PARD3B: variants seen among roughly 807,000 people sequenced by gnomAD.
The protein encoded by PARD3B is par-3 family cell polarity regulator beta, also known as partitioning defective 3 homolog B.
A neutral mutation model predicts 130.2 loss-of-function variants in PARD3B; 103 were observed. The ratio of observed to expected loss-of-function variants is 0.79; its 90% confidence interval spans 0.67 to 0.93. PARD3B has a LOEUF of 0.93. Ranked by LOEUF, PARD3B falls within the 40% of genes least tolerant of loss-of-function variation. PARD3B has a pLI of 0.00. For synonymous variants in PARD3B, 583 were observed against 553.2 expected (o/e 1.05, Z -0.76); for missense variants, 1,609 against 1,499.2 (o/e 1.07, Z -1.21).
chr2:204,632,876 G>A (rs532104874), intron 1 of PARD3B, among the ~76,000 whole-genome samples: 113 of 152,316 alleles, frequency 7.4e-4, no homozygotes, highest in African/African-American at 2.5e-3. Flanking sequence ...GGATATTTCA[G>A]TATTCACTCG....
rs1013116773 is a variant in PARD3B, at chr2:205,269,586, C to T, written c.2185+23764C>T. On this transcript the variant is annotated intron_variant, in intron 16 of 22. Coordinates refer to ENST00000406610, the MANE Select transcript of PARD3B (RefSeq NM_001302769.2). The surrounding 1 kb of genome is among the most constrained non-coding windows in gnomAD (Gnocchi z 4.7). The stretch of plus-strand genomic sequence containing the variant: ...CTGCTGGGCTGCTGATTCTCAATAA[C>T]CACACTTACACCTGACAAACAAAAA... Among the ~76,000 whole-genome samples, 6 of 152,024 alleles carry T rather than the reference C, an allele frequency of 3.9e-5. No homozygotes were observed. Among genetic ancestry groups the T allele is most frequent in the African/African-American group, 1.5e-4 (6 of 41,376 alleles).
chr2:205,450,466 CTTTTT>C (rs869229400), intron 20 of PARD3B, among the ~76,000 whole-genome samples: 1 of 78,378 alleles, frequency 1.3e-5, no homozygotes, highest in African/African-American at 5.5e-5. Flanking sequence ...AGTGCAGATT[CTTTTT>C]TTTTTTTTTT....
chr2:204,891,779 G>C (rs2046456122), intron 2 of PARD3B, among the ~76,000 whole-genome samples: 1 of 152,074 alleles, frequency 6.6e-6, no homozygotes, highest in Non-Finnish European at 1.5e-5. Flanking sequence ...TTCTGAATTT[G>C]CCTATCCTTT....
At chr2:205,508,551 A>G (rs1370647709) in intron 21 of PARD3B, among the ~76,000 whole-genome samples, 9 of 147,962 alleles carry the variant, frequency 6.1e-5, no homozygotes, top group Non-Finnish European at 1.3e-4. Flanking sequence ...CAGCTCGGGC[A>G]ACAGAGCAAG....
At chr2:204,877,482 A>G (rs949172354) in intron 2 of PARD3B, among the ~76,000 whole-genome samples, 5 of 152,200 alleles carry the variant, frequency 3.3e-5, no homozygotes, top group African/African-American at 9.6e-5. Flanking sequence ...TATGTGAGTT[A>G]TGTGTGCCTG....
At chr2:204,703,526 G>T (rs916229190) in intron 2 of PARD3B, among the ~76,000 whole-genome samples, 6 of 152,166 alleles carry the variant, frequency 3.9e-5, no homozygotes. Flanking sequence ...TTTAATTTCT[G>T]TAGAGTTGCC....
intron 2 of PARD3B, among the ~76,000 whole-genome samples, chr2:204,920,929 CA>C (rs1460156804): frequency 1.3e-5 from 2 of 152,142 alleles, no homozygotes; most frequent in Non-Finnish European, 1.5e-5. Context: ...TGATACAAGC[CA>C]TGCATAATAT....
chr2:204,701,986 C>T (rs570073787), intron 2 of PARD3B, among the ~76,000 whole-genome samples: 2 of 152,230 alleles, frequency 1.3e-5, no homozygotes, highest in African/African-American at 4.8e-5. Context: ...CAAGTGAAAA[C>T]ATGCCATATT....
At chr2:205,319,348 G>A (rs2042669901) in intron 18 of PARD3B, among the ~76,000 whole-genome samples, 2 of 152,172 alleles carry the variant, frequency 1.3e-5, no homozygotes, top group Admixed American at 1.3e-4. Context: ...TAGAGCACTG[G>A]CATAGTAGAG....
At chr2:204,972,312 A>G (rs1040721809) in intron 3 of PARD3B, among the ~76,000 whole-genome samples, 7 of 152,162 alleles carry the variant, frequency 4.6e-5, no homozygotes, top group African/African-American at 1.7e-4. Context: ...GCTTGAGAAC[A>G]TGCTATAGTT....
intron 18 of PARD3B, among the ~76,000 whole-genome samples, chr2:205,382,749 A>T (rs1442910996): frequency 6.6e-6 from 1 of 151,994 alleles, no homozygotes; most frequent in African/African-American, 2.4e-5. Context: ...TATGAGATTC[A>T]TGGATATTTA....
At chr2:204,593,620 T>G (rs1292170128) in intron 1 of PARD3B, among the ~76,000 whole-genome samples, 12 of 152,326 alleles carry the variant, frequency 7.9e-5, no homozygotes, top group South Asian at 4.1e-4. Flanking sequence ...TTATGAATAC[T>G]TTTATTTGGC....
chr2:205,144,241 T>TC (rs2033185187), intron 10 of PARD3B, among the ~76,000 whole-genome samples: 1 of 152,152 alleles, frequency 6.6e-6, no homozygotes, highest in African/African-American at 2.4e-5. Context: ...AGATGGGAGA[T>TC]ATGTGGAGCA....
At chr2:204,770,717 C>T (rs1266596438) in intron 2 of PARD3B, among the ~76,000 whole-genome samples, 1 of 152,018 alleles carries the variant, frequency 6.6e-6, no homozygotes, top group Non-Finnish European at 1.5e-5. Flanking sequence ...ATCCACTACT[C>T]ATACCTACTG....
At chr2:205,283,240 C>G (rs1239650850) in intron 16 of PARD3B, among the ~76,000 whole-genome samples, 1 of 152,170 alleles carries the variant, frequency 6.6e-6, no homozygotes, top group Non-Finnish European at 1.5e-5. Flanking sequence ...TACACTATTC[C>G]TATGGCTAGA....
At position 205,014,971 on chromosome 2, in the gene PARD3B, C is replaced by G. The variant is rs112562534; in HGVS notation, c.395-32610C>G. On this transcript the variant is annotated intron_variant, in intron 3 of 22. Coordinates refer to ENST00000406610, the MANE Select transcript of PARD3B (RefSeq NM_001302769.2). ...TTATGTATATTTCTTATTTTAGCAC[C>G]TCACATTATGCAGTTGACTGTCGAA... Among the ~76,000 whole-genome samples, 153 of 152,268 alleles carry G rather than the reference C, an allele frequency of 1.0e-3. No homozygotes were observed. The Middle Eastern group carries it at 0.017, about 17-fold the overall frequency.
chr2:204,566,134 A>G (rs1432534535), intron 1 of PARD3B, among the ~76,000 whole-genome samples: 1 of 152,244 alleles, frequency 6.6e-6, no homozygotes, highest in Non-Finnish European at 1.5e-5. Flanking sequence ...ATAAACCATG[A>G]GATTCCAAAA....
At chr2:205,010,051 T>C (rs927672218) in intron 3 of PARD3B, among the ~76,000 whole-genome samples, 1 of 152,164 alleles carries the variant, frequency 6.6e-6, no homozygotes, top group African/African-American at 2.4e-5. Context: ...AAAGCTTGAC[T>C]TTAGTGAACC....
chr2:205,251,201 G>C (rs1260665493), intron 16 of PARD3B, among the ~76,000 whole-genome samples: 2 of 152,130 alleles, frequency 1.3e-5, no homozygotes, highest in African/African-American at 4.8e-5. Context: ...GTAGTTCCTT[G>C]AGTATGAGAG....
Sources: allele counts gnomAD v4.1 joint callset (sites outside exome capture counted in the v4.1 genomes callset), GRCh38; gene constraint gnomAD v4.1.1; non-coding constraint Gnocchi (gnomAD v3.1); transcripts MANE v1.5; gene names NCBI Gene and HGNC (gene_info 2026-07-23, HGNC 2026-07-21).